The following MACROD2 variants were observed in gnomAD, a reference collection of about 807,000 sequenced individuals.
The protein encoded by MACROD2 is ADP-ribose glycohydrolase MACROD2.
Under a neutral mutation model 70.4 loss-of-function variants are expected in MACROD2, and 36 were observed. The ratio of observed to expected loss-of-function variants is 0.51; its 90% CI spans 0.39 to 0.68. The LOEUF (loss-of-function observed/expected upper bound fraction) is 0.68, where lower values mean the gene tolerates loss of function less well. Ranked by LOEUF, MACROD2 falls within the 30% of genes least tolerant of loss-of-function variation. MACROD2 has a pLI of 0.00. For synonymous variants in MACROD2, 172 were observed against 178.8 expected (o/e 0.96, Z 0.30); for missense variants, 496 against 538.4 (o/e 0.92, Z 0.78).
At chr20:14,771,737 TACAC>T (rs11472593) in intron 5 of MACROD2, among the ~76,000 whole-genome samples, 3,464 of 145,588 alleles carry the variant, frequency 0.024, 139 homozygotes, top group African/African-American at 0.078. Context: ...ATACTTATCC[TACAC>T]ACACACACAC....
At chr20:14,398,074 A>G (rs149759802) in intron 3 of MACROD2, among the ~76,000 whole-genome samples, 1 of 152,074 alleles carries the variant, frequency 6.6e-6, no homozygotes, top group African/African-American at 2.4e-5. Flanking sequence ...TTTATTGATA[A>G]ATAGTATTTT....
At chr20:15,219,542 ATTC>A (rs1199805599) in intron 5 of MACROD2, among the ~76,000 whole-genome samples, 9 of 152,232 alleles carry the variant, frequency 5.9e-5, no homozygotes, top group Admixed American at 5.2e-4. Context: ...ATTTTCACAT[ATTC>A]TTTTGGCTAG....
At chr20:14,836,911 A>C (rs1242977975) in intron 5 of MACROD2, among the ~76,000 whole-genome samples, 1 of 152,220 alleles carries the variant, frequency 6.6e-6, no homozygotes, top group Middle Eastern at 3.4e-3. Flanking sequence ...TGATCCAAGA[A>C]CTATTTGGTG....
At chr20:15,217,908 C>T (rs540380865) in intron 5 of MACROD2, among the ~76,000 whole-genome samples, 1 of 152,176 alleles carries the variant, frequency 6.6e-6, no homozygotes, top group South Asian at 2.1e-4. Context: ...TAAATAATCT[C>T]GCAGAGGCAC....
At chr20:15,420,363 A>AT (rs73619845) in intron 6 of MACROD2, among the ~76,000 whole-genome samples, 17,999 of 152,260 alleles carry the variant, frequency 0.12, 1,330 homozygotes, top group South Asian at 0.27. Context: ...AATGAAGAAA[A>AT]CAAAAAGAAA....
chr20:15,354,651 A>C (rs2078266281), intron 6 of MACROD2, among the ~76,000 whole-genome samples: 1 of 150,242 alleles, frequency 6.7e-6, no homozygotes, highest in African/African-American at 2.4e-5. Flanking sequence ...ATTTTAAAAA[A>C]GAAAAAGTTT....
intron 5 of MACROD2, among the ~76,000 whole-genome samples, chr20:14,804,133 C>T (rs2072611001): frequency 1.3e-5 from 2 of 151,934 alleles, no homozygotes; most frequent in Admixed American, 6.6e-5. Context: ...AGTTGACTAA[C>T]AATGATTTTT....
chr20:16,025,688 G>A (rs1004651154), intron 15 of MACROD2, among the ~76,000 whole-genome samples: 5 of 152,142 alleles, frequency 3.3e-5, no homozygotes, highest in Non-Finnish European at 7.4e-5. Flanking sequence ...GGGACCCCAG[G>A]CCCTCTGGTG....
chr20:14,527,198 A>T (rs1031840063), intron 4 of MACROD2, among the ~76,000 whole-genome samples: 2 of 152,054 alleles, frequency 1.3e-5, no homozygotes, highest in Admixed American at 6.6e-5. Context: ...ACGTCCAGCC[A>T]CCTGTGTGTT....
At chr20:15,063,276 CAAATT>C (rs879866719) in intron 5 of MACROD2, among the ~76,000 whole-genome samples, 6 of 151,932 alleles carry the variant, frequency 3.9e-5, no homozygotes, top group Non-Finnish European at 5.9e-5. Context: ...CAAGAAAAAA[CAAATT>C]AAGGAGAAAC....
chr20:15,771,177 T>C (rs1464415968), intron 8 of MACROD2, among the ~76,000 whole-genome samples: 1 of 151,860 alleles, frequency 6.6e-6, no homozygotes, highest in Non-Finnish European at 1.5e-5. Context: ...TCTTCTTGTG[T>C]TTGTTTTTTT....
At chr20:14,146,339 A>G (rs1211677270) in intron 3 of MACROD2, among the ~76,000 whole-genome samples, 1 of 152,068 alleles carries the variant, frequency 6.6e-6, no homozygotes, top group Non-Finnish European at 1.5e-5. Flanking sequence ...AAAACAAAAA[A>G]CAAAGATTTC....
At chr20:14,419,070 T>C (rs560297964) in intron 3 of MACROD2, among the ~76,000 whole-genome samples, 1 of 152,264 alleles carries the variant, frequency 6.6e-6, no homozygotes, top group South Asian at 2.1e-4. Context: ...TTTTTGTTTT[T>C]TGAGATGGAG....
chr20:14,551,437 A>G (rs1978645598), intron 4 of MACROD2, among the ~76,000 whole-genome samples: 1 of 152,248 alleles, frequency 6.6e-6, no homozygotes, highest in South Asian at 2.1e-4. Context: ...GATGTAGAAC[A>G]TGATAAAGAA....
At chr20:14,315,333 C>T (rs543134206) in intron 3 of MACROD2, among the ~76,000 whole-genome samples, 14 of 152,284 alleles carry the variant, frequency 9.2e-5, no homozygotes, top group East Asian at 1.9e-4. Flanking sequence ...GAGTGGCTTA[C>T]GGTTTACAAA....
chr20:14,829,287 G>A (rs369576484), intron 5 of MACROD2, among the ~76,000 whole-genome samples: 5 of 151,494 alleles, frequency 3.3e-5, no homozygotes, highest in Non-Finnish European at 7.4e-5. Flanking sequence ...CTGCCACCAC[G>A]CCCGGCTAAT....
intron 5 of MACROD2, among the ~76,000 whole-genome samples, chr20:15,017,860 C>T (rs1234181170): frequency 4.6e-5 from 7 of 152,156 alleles, no homozygotes; most frequent in African/African-American, 1.7e-4. Context: ...GGCACCAAGT[C>T]CCTAGGGTGC....
intron 8 of MACROD2, among the ~76,000 whole-genome samples, chr20:15,522,625 G>A (rs994489600): frequency 3.9e-5 from 6 of 152,202 alleles, no homozygotes; most frequent in Non-Finnish European, 8.8e-5. Flanking sequence ...TGAAATTAGG[G>A]ATGGTCTTCT....
intron 3 of MACROD2, among the ~76,000 whole-genome samples, chr20:14,244,889 T>A (rs1488419197): frequency 1.3e-5 from 2 of 152,224 alleles, no homozygotes; most frequent in African/African-American, 4.8e-5. Context: ...TGTAATATTC[T>A]TGTAGCAAAT....
Sources: gnomAD v4.1 joint callset for allele counts (sites outside exome capture counted in the v4.1 genomes callset) on GRCh38, gnomAD v4.1.1 for gene constraint, MANE v1.5 for transcripts, NCBI Gene and HGNC (gene_info 2026-07-23, HGNC 2026-07-21) for gene names.